The following PTPRS variants were observed in gnomAD, a reference collection of about 807,000 sequenced individuals.
PTPRS encodes the protein receptor-type tyrosine-protein phosphatase S.
PTPRS carries 63 observed loss-of-function variants against 215.3 expected under a neutral mutation model. The ratio of observed to expected loss-of-function variants is 0.29; its 90% CI spans 0.24 to 0.36. The LOEUF is 0.36. Ranked by LOEUF, PTPRS falls within the 10% of genes least tolerant of loss-of-function variation. The probability of loss-of-function intolerance (pLI) is 1.00; values close to 1 mark genes in which losing one functional copy is unlikely to be tolerated. For missense variants in PTPRS, 2,258 were observed against 2,825.8 expected, an observed-to-expected ratio of 0.80 and a Z score of 4.56; for synonymous variants, 1,404 against 1,191.4, an observed-to-expected ratio of 1.18 and a Z score of -3.68.
intron 1 of PTPRS, among the ~76,000 whole-genome samples, chr19:5,323,605 G>A (rs902169673): frequency 1.3e-5 from 2 of 152,270 alleles, no homozygotes; most frequent in Non-Finnish European, 2.9e-5. Context: ...ACCATGCCTG[G>A]TGTATTGGAG....
intron 16 of PTPRS, among the ~76,000 whole-genome samples, chr19:5,228,129 G>T (rs2042666204): frequency 6.6e-6 from 1 of 151,896 alleles, no homozygotes; most frequent in African/African-American, 2.4e-5. Flanking sequence ...ATCCAGTGTG[G>T]GTGAGAGATG....
At chr19:5,254,690 G>A (rs2045418015) in intron 9 of PTPRS, among the ~76,000 whole-genome samples, 1 of 152,204 alleles carries the variant, frequency 6.6e-6, no homozygotes, top group Admixed American at 6.5e-5. Flanking sequence ...ACCATGCTGT[G>A]TTGCTGGACA....
intron 22 of PTPRS, 147 bp downstream of exon 22, chr19:5,219,792 T>C (rs12975955): frequency 0.41 from 391,515 of 946,482 alleles, 83,859 homozygotes; most frequent in East Asian, 0.58. Context: ...CGTTTCAGGA[T>C]CCCTCCGCTC....
At chr19:5,216,912 C>T in intron 25 of PTPRS, 145 bp from the exon 26 acceptor site, 1 of 631,640 alleles carries the variant, frequency 1.6e-6, no homozygotes, top group South Asian at 1.9e-5. Context: ...CACCTGGGCC[C>T]CCACCTGAGG....
chr19:5,326,493 T>C (rs1013633618), intron 1 of PTPRS, among the ~76,000 whole-genome samples: 1 of 152,094 alleles, frequency 6.6e-6, no homozygotes, highest in East Asian at 1.9e-4. Flanking sequence ...GTTTTCTCTT[T>C]TACGTTTTAA....
In PTPRS at chr19:5,223,177, C is replaced by G. The variant is rs374591804; in HGVS notation, c.2615G>C (p.Arg872Pro). 4.6e-5 allele frequency: 72 copies of G among 1,561,502 alleles called. No individual in the cohort carries two copies. Among genetic ancestry groups the G allele is most frequent in the Non-Finnish European group, 5.9e-5 (68 of 1,154,010 alleles). The change falls in exon 18 of 38, where the codon CGT becomes CCT. Residue 872 changes from arginine to proline, a missense_variant. Physicochemically the swap from Arg to Pro is moderately radical, Grantham distance 103. Around this residue, in one of 6 missense-constraint regions of PTPRS, gnomAD observed 361 missense variants for 332.6 expected, o/e 1.09. Coordinates refer to ENST00000262963, the MANE Select transcript of PTPRS (RefSeq NM_002850.4). ...GGTGGCCAGGGGCGTCGAGTCCTCA[C>G]GGCCAAACTGCAGGCGGTAGCCCAG... ...QVLGYRLQFGREDSTPLATLE... is the reference protein window; with the variant it reads ...QVLGYRLQFGPEDSTPLATLE...
At chr19:5,256,766 G>A (rs999431577) in intron 8 of PTPRS, among the ~76,000 whole-genome samples, 10 of 151,872 alleles carry the variant, frequency 6.6e-5, no homozygotes, top group Middle Eastern at 3.4e-3. Context: ...CCCTCCATGC[G>A]ACCTCCTCCT....
intron 1 of PTPRS, among the ~76,000 whole-genome samples, chr19:5,310,417 A>G (rs2049662758): frequency 6.7e-6 from 1 of 148,746 alleles, no homozygotes; most frequent in South Asian, 2.1e-4. Context: ...TCCCCCGTTC[A>G]AGCAATTCTC....
rs1327116960 is a variant in PTPRS, at chr19:5,274,266, G to A, written c.170C>T (p.Thr57Met). The A allele has an allele frequency of 6.8e-6, 11 of 1,613,782 alleles. No homozygotes were observed. Among genetic ancestry groups the A allele is most frequent in the East Asian group, 4.5e-5 (2 of 44,868 alleles). Reference protein sequence around the residue: ...GGVASFVCQATGDPKPRVTWN... With the variant: ...GGVASFVCQAMGDPKPRVTWN... ...GGTCACTCGTGGCTTGGGGTCACCC[G>A]TGGCCTGACACACGAAAGAGGCCAC... is the stretch of plus-strand genomic sequence containing the variant. The change falls in exon 3 of 38, where the codon ACG becomes ATG. Residue 57 changes from threonine to methionine, a missense_variant. Physicochemically the swap from Thr to Met is moderately conservative, Grantham distance 81. Coordinates refer to ENST00000262963, the MANE Select transcript of PTPRS (RefSeq NM_002850.4).
intron 1 of PTPRS, among the ~76,000 whole-genome samples, chr19:5,313,832 C>G (rs528275247): frequency 6.6e-5 from 10 of 152,230 alleles, no homozygotes; most frequent in Admixed American, 4.6e-4. Context: ...CGCAGTGGCT[C>G]ACACCTGTAA....
intron 16 of PTPRS, 151 bp from the exon 17 acceptor site, chr19:5,225,995 G>A (rs1473790042): frequency 3.0e-6 from 2 of 662,962 alleles, no homozygotes; most frequent in Non-Finnish European, 5.4e-6. Flanking sequence ...ACCACGACAC[G>A]TGGCATGGCC....
Position 5,295,354 on chromosome 19 carries a change from G to A in PTPRS, c.-94-9120C>T, listed in dbSNP as rs536453407. Among the ~76,000 whole-genome samples the A allele has an allele frequency of 3.4e-3, 521 of 152,322 alleles. 5 individuals carry two copies. The highest frequency in any genetic ancestry group is 0.012 in the African/African-American group (504 of 41,582). ...TCCCAGCCAGTCCTGCCCTCTCTGG[G>A]CCTCTTGTCCATGTCTCTGTGGAGG... On this transcript the variant is annotated intron_variant, in intron 1 of 37. Transcript: ENST00000262963. This position sits in a 1 kb window ranked among gnomAD's most constrained non-coding sequence, Gnocchi z 4.6.
rs547394205 is a variant in PTPRS, at chr19:5,210,772, C to T, written c.5268G>A (p.Pro1756=). The part of the protein sequence containing the change: ...QQKAYIATQG[P]LAETTEDFWR... ...AGAAGTCTTCCGTGGTCTCCGCCAG[C>T]GGCCCCTGTGTCGCGATGTAGGCCT... is the stretch of plus-strand genomic sequence containing the variant. The change falls in exon 34 of 38, where the codon CCG becomes CCA. Residue 1756 remains proline (P), a synonymous_variant. Transcript: ENST00000262963. The surrounding 1 kb of genome is among the most constrained non-coding windows in gnomAD (Gnocchi z 4.5). 1.1e-5 allele frequency: 18 copies of T among 1,613,940 alleles called. No homozygotes were observed. The highest frequency in any genetic ancestry group is 1.1e-4 in the African/African-American group (8 of 74,952).
chr19:5,227,096 G>A (rs768996579), intron 16 of PTPRS, among the ~76,000 whole-genome samples: 8 of 152,056 alleles, frequency 5.3e-5, no homozygotes, highest in Non-Finnish European at 1.0e-4. Flanking sequence ...CGCCCAGGCT[G>A]GAGTGCAGGG....
chr19:5,274,048 C>A (rs1037015856), intron 3 of PTPRS, 151 bp downstream of exon 3: 4 of 1,109,686 alleles, frequency 3.6e-6, no homozygotes, highest in African/African-American at 1.6e-5. Context: ...GCGGGCAGGG[C>A]CCTGGCTGGA....
intron 19 of PTPRS, among the ~76,000 whole-genome samples, chr19:5,221,711 A>C (rs1374100297): frequency 6.6e-6 from 1 of 151,792 alleles, no homozygotes; most frequent in Non-Finnish European, 1.5e-5. Flanking sequence ...CTTGGCACCA[A>C]CTCCAGACTA....
At chr19:5,270,929 G>A (rs530854661) in intron 4 of PTPRS, among the ~76,000 whole-genome samples, 3 of 152,318 alleles carry the variant, frequency 2.0e-5, no homozygotes, top group South Asian at 4.1e-4. Context: ...ACAGGCCAAA[G>A]CACAGGGCCT....
At chr19:5,251,816 G>T (rs578245262) in intron 9 of PTPRS, among the ~76,000 whole-genome samples, 1 of 152,032 alleles carries the variant, frequency 6.6e-6, no homozygotes, top group East Asian at 2.0e-4. Flanking sequence ...AACACTGCCT[G>T]CCCCTAGGGT....
At chr19:5,269,649 C>T (rs1290243224) in intron 4 of PTPRS, among the ~76,000 whole-genome samples, 8 of 151,982 alleles carry the variant, frequency 5.3e-5, no homozygotes, top group Middle Eastern at 3.2e-3. Flanking sequence ...GGGCTCGGCA[C>T]GGTGGCTGAC....
Sources: allele counts gnomAD v4.1 joint callset (sites outside exome capture counted in the v4.1 genomes callset), GRCh38; gene constraint gnomAD v4.1.1; regional missense constraint gnomAD v4.1.1; non-coding constraint Gnocchi (gnomAD v3.1); transcripts MANE v1.5; gene names NCBI Gene and HGNC (gene_info 2026-07-23, HGNC 2026-07-21).